Variants in PRDM15 observed in about 807,000 individuals in gnomAD.
PRDM15 encodes PR/SET domain 15.
PRDM15 carries 64 observed loss-of-function variants against 128.6 expected under a neutral mutation model. The ratio of observed to expected loss-of-function variants is 0.50; its 90% CI spans 0.41 to 0.61. The LOEUF is 0.61. Ranked by LOEUF, PRDM15 falls within the 20% of genes least tolerant of loss-of-function variation. The pLI is 0.00. For synonymous variants in PRDM15, 615 were observed against 621.8 expected, an observed-to-expected ratio of 0.99 and a Z score of 0.16; for missense variants, 1,242 against 1,569.1, an observed-to-expected ratio of 0.79 and a Z score of 3.52.
chr21:41,819,826 G>T, intron 17 of PRDM15, 125 bp from the exon 18 acceptor site: 1 of 1,303,926 alleles, frequency 7.7e-7, no homozygotes, highest in Non-Finnish European at 1.0e-6. Context: ...CAGGGGTGGG[G>T]TCGCCTCTTC....
At chr21:41,822,441 C>G (rs1387200843) in intron 14 of PRDM15, among the ~76,000 whole-genome samples, 1 of 152,250 alleles carries the variant, frequency 6.6e-6, no homozygotes, top group East Asian at 1.9e-4. Context: ...TGCTCCGTTC[C>G]TCTCTTTCCT....
At chr21:41,834,261 G>C (rs2062792161) in intron 11 of PRDM15, among the ~76,000 whole-genome samples, 1 of 152,108 alleles carries the variant, frequency 6.6e-6, no homozygotes, top group South Asian at 2.1e-4. Context: ...TCAAATAGGA[G>C]CCCTCAGAGT....
chr21:41,871,545 GCTCAGTGT>G, intron 1 of PRDM15: 2 of 1,611,826 alleles, frequency 1.2e-6, no homozygotes, highest in Non-Finnish European at 1.7e-6. Flanking sequence ...GGGCTCAGTG[GCTCAGTGT>G]CGGACACCTC....
rs1015522198 is a variant in PRDM15, at chr21:41,802,647, C to T, written c.2943+65G>A. The T allele has an allele frequency of 3.4e-5, 45 of 1,323,468 alleles. No individual in the cohort carries two copies. The Admixed American group carries it at 6.9e-4, about 20-fold the overall frequency. 82.0% of individuals were successfully genotyped at this position (1,323,468 alleles called of 1,614,324 possible). On this transcript the variant is annotated intron_variant, in intron 23 of 23. Coordinates refer to ENST00000398548, the MANE Select transcript of PRDM15 (RefSeq NM_001040424.3). Reference sequence around the variant, plus strand: ...GTAAAAAGAGATGGAGTCACACACACGTAAGGCTCTCATGCTTAGGGAAAG... The same window carrying T: ...GTAAAAAGAGATGGAGTCACACACATGTAAGGCTCTCATGCTTAGGGAAAG...
Position 41,810,337 on chromosome 21 carries a change from C to T in PRDM15, c.2477-8G>A, listed in dbSNP as rs1444265240. On this transcript the variant is annotated splice_region_variant and splice_polypyrimidine_tract_variant and intron_variant, in intron 20 of 23. Coordinates refer to ENST00000398548, the MANE Select transcript of PRDM15 (RefSeq NM_001040424.3). This position sits in a 1 kb window ranked among gnomAD's most constrained non-coding sequence, Gnocchi z 6.4. ...ACGTCCACTGCTTGCCCACTTTTCA[C>T]ACACACGCAGACACACATGCGCGTG... 1.2e-6 allele frequency: 2 copies of T among 1,610,356 alleles called. No individual in the cohort carries two copies. The highest frequency in any genetic ancestry group is 1.7e-5 in the Admixed American group (1 of 59,914).
chr21:41,874,525 A>ATATT, intron 1 of PRDM15, among the ~76,000 whole-genome samples: 1,312 of 95,722 alleles, frequency 0.014, 24 homozygotes, highest in African/African-American at 0.021. Flanking sequence ...ATATATATAT[A>ATATT]TTTTTTTTTT....
intron 1 of PRDM15, among the ~76,000 whole-genome samples, chr21:41,866,760 C>T (rs915030690): frequency 1.3e-5 from 2 of 152,182 alleles, no homozygotes; most frequent in African/African-American, 2.4e-5. Context: ...GGCAGCAGAA[C>T]GAGCACAACG....
At chr21:41,823,262 C>T in intron 14 of PRDM15, 56 bp downstream of exon 14, 1 of 1,587,640 alleles carries the variant, frequency 6.3e-7, no homozygotes, top group Non-Finnish European at 8.6e-7. Flanking sequence ...GTGACAGACG[C>T]TGGCCTGGGG....
At chr21:41,825,713 G>C (rs997088940) in intron 13 of PRDM15, among the ~76,000 whole-genome samples, 2 of 152,214 alleles carry the variant, frequency 1.3e-5, no homozygotes, top group Admixed American at 1.3e-4. Context: ...ATGGCAAAGA[G>C]GAAAAGAGGC....
chr21:41,878,953 C>A, intron 1 of PRDM15: 1 of 969,174 alleles, frequency 1.0e-6, no homozygotes, highest in Non-Finnish European at 1.2e-6. Context: ...AGGCAGGGGA[C>A]GGGGGCGCGG....
intron 19 of PRDM15, chr21:41,812,272 C>T (rs1236663256): frequency 1.3e-5 from 2 of 152,198 alleles, no homozygotes; most frequent in Admixed American, 1.3e-4. Context: ...GACAGAAAAA[C>T]ACAAATTGTA....
At chr21:41,875,632 G>A (rs554012295) in intron 1 of PRDM15, among the ~76,000 whole-genome samples, 93 of 152,330 alleles carry the variant, frequency 6.1e-4, no homozygotes, top group Middle Eastern at 3.4e-3. Context: ...TCTTCTTAAG[G>A]CCAGAAAGTA....
Position 41,821,325 on chromosome 21 carries a change from C to T in PRDM15, c.1897-95G>A. 7.0e-7 allele frequency: 1 copy of T among 1,435,698 alleles called. No homozygotes were observed. Among genetic ancestry groups the T allele is most frequent in the South Asian group, 1.2e-5 (1 of 81,148 alleles). The allele number at this position is 1,435,698 out of a possible 1,614,324, so 88.9% of individuals were successfully genotyped here. ...CGTGTCCACAAACCAGGGCACCCGA[C>T]ACGCCCTGAGAGCCCATGACTCATG... On this transcript the variant is annotated intron_variant, in intron 15 of 23. Transcript: ENST00000398548. This position sits in a 1 kb window ranked among gnomAD's most constrained non-coding sequence, Gnocchi z 5.4.
intron 6 of PRDM15, among the ~76,000 whole-genome samples, chr21:41,840,310 G>T (rs2063034459): frequency 6.6e-6 from 1 of 152,064 alleles, no homozygotes; most frequent in Non-Finnish European, 1.5e-5. Flanking sequence ...GCCGGGTGTG[G>T]TGGTGTGTGC....
chr21:41,838,914 G>T (rs749047268), intron 7 of PRDM15, among the ~76,000 whole-genome samples: 3 of 152,172 alleles, frequency 2.0e-5, no homozygotes, highest in Non-Finnish European at 4.4e-5. Context: ...AAGAAAAACT[G>T]CCCAGTGTCA....
In PRDM15 at chr21:41,836,450, C is replaced by T. The variant is rs753035914; in HGVS notation, c.1183+18G>A. On this transcript the variant is annotated intron_variant, in intron 9 of 23. Transcript: ENST00000398548. ...CCTGGCCCTGGCCCCGGGCGCCAGC[C>T]GGGCCTCGCGGACTCACCATGCGAG... 2.1e-5 allele frequency: 33 copies of T among 1,598,930 alleles called. 1 individual carries two copies. Among genetic ancestry groups the T allele is most frequent in the Admixed American group, 1.0e-4 (6 of 59,528 alleles).
intron 6 of PRDM15, among the ~76,000 whole-genome samples, 183 bp downstream of exon 6, chr21:41,846,907 C>T (rs1241774504): frequency 6.6e-6 from 1 of 152,140 alleles, no homozygotes; most frequent in East Asian, 1.9e-4. Flanking sequence ...GGGTGGGAAG[C>T]GGGACTGCCC....
chr21:41,851,231 T>C (rs1160842351), intron 5 of PRDM15, among the ~76,000 whole-genome samples: 1 of 152,212 alleles, frequency 6.6e-6, no homozygotes, highest in Non-Finnish European at 1.5e-5. Flanking sequence ...GCAGTTACCC[T>C]AGAACTCCAG....
rs1179286942 is a variant in PRDM15 at position 41,799,350 on chromosome 21, G to A, written c.*1890C>T. On this transcript the variant is annotated 3_prime_UTR_variant, in exon 24 of 24. Transcript: ENST00000398548. ...GGAGCACTTGTATCTGGAGAATGGA[G>A]ACAATATCACCCCAAGCCCGAATTC... 6.6e-6 allele frequency: 1 copy of A among 152,206 alleles called. No homozygotes were observed. Among genetic ancestry groups the A allele is most frequent in the East Asian group, 1.9e-4 (1 of 5,204 alleles). 9.4% of individuals were successfully genotyped at this position (152,206 alleles called of 1,614,324 possible).
Sources: gnomAD v4.1 joint callset for allele counts (sites outside exome capture counted in the v4.1 genomes callset) on GRCh38, gnomAD v4.1.1 for gene constraint, Gnocchi (gnomAD v3.1) non-coding constraint, MANE v1.5 for transcripts, NCBI Gene and HGNC (gene_info 2026-07-23, HGNC 2026-07-21) for gene names.